Variants in SEMA3A observed in about 807,000 individuals in gnomAD.
The protein encoded by SEMA3A is semaphorin 3A.
SEMA3A carries 29 observed loss-of-function variants against 97.9 expected under a neutral mutation model. The ratio of observed to expected loss-of-function variants is 0.30; its 90% CI spans 0.22 to 0.40. The LOEUF (loss-of-function observed/expected upper bound fraction) is 0.40, where lower values mean the gene tolerates loss of function less well. SEMA3A is among the 10% of genes least tolerant of loss of function. SEMA3A has a pLI of 1.00. For missense variants in SEMA3A, 763 were observed against 951.3 expected, an observed-to-expected ratio of 0.80 and a Z score of 2.60; for synonymous variants, 321 against 323.7, an observed-to-expected ratio of 0.99 and a Z score of 0.09.
At chr7:84,430,994 T>A (rs1010132096) in intron 1 of SEMA3A, among the ~76,000 whole-genome samples, 2 of 151,954 alleles carry the variant, frequency 1.3e-5, no homozygotes, top group Admixed American at 1.3e-4. Flanking sequence ...CACTCAGATA[T>A]AATAGAAGCT....
At chr7:84,291,647 T>G (rs2115786690) in intron 3 of SEMA3A, among the ~76,000 whole-genome samples, 1 of 152,208 alleles carries the variant, frequency 6.6e-6, no homozygotes, top group South Asian at 2.1e-4. Context: ...CCCATAAAAT[T>G]TTTAAAATAA....
intron 1 of SEMA3A, among the ~76,000 whole-genome samples, chr7:84,161,987 A>G (rs1016160327): frequency 6.6e-6 from 1 of 151,950 alleles, no homozygotes; most frequent in Non-Finnish European, 1.5e-5. Flanking sequence ...TCCTGACCCT[A>G]ATTCCCAATC....
intron 1 of SEMA3A, among the ~76,000 whole-genome samples, chr7:84,403,158 G>T (rs1803955508): frequency 1.3e-5 from 2 of 152,092 alleles, no homozygotes; most frequent in African/African-American, 4.8e-5. Flanking sequence ...CAAAGAAAGG[G>T]GTGACAGATG....
At chr7:83,977,001 T>C in intron 15 of SEMA3A, 131 bp downstream of exon 15, 1 of 450,152 alleles carries the variant, frequency 2.2e-6, no homozygotes, top group Non-Finnish European at 3.9e-6. Flanking sequence ...TTCTGTAAGA[T>C]TTTACTTCTC....
intron 1 of SEMA3A, among the ~76,000 whole-genome samples, chr7:84,419,340 T>C (rs1471166030): frequency 6.6e-6 from 1 of 152,068 alleles, no homozygotes; most frequent in South Asian, 2.1e-4. Context: ...AAGCACAATG[T>C]AGTATATCTT....
chr7:84,128,362 T>C (rs1174693061), intron 3 of SEMA3A, among the ~76,000 whole-genome samples: 1 of 152,044 alleles, frequency 6.6e-6, no homozygotes, highest in East Asian at 1.9e-4. Flanking sequence ...AAAAGATACG[T>C]AATTTAATTA....
chr7:84,179,614 C>G (rs1346910141), intron 1 of SEMA3A, among the ~76,000 whole-genome samples: 3 of 152,052 alleles, frequency 2.0e-5, no homozygotes, highest in African/African-American at 7.2e-5. Flanking sequence ...TGTATTTTCT[C>G]CAGCACTATG....
At chr7:84,393,056 G>T (rs188212174) in intron 1 of SEMA3A, among the ~76,000 whole-genome samples, 34 of 152,012 alleles carry the variant, frequency 2.2e-4, no homozygotes, top group African/African-American at 7.5e-4. Flanking sequence ...GGATATAATC[G>T]CATTTGTCTA....
At chr7:84,078,363 T>C (rs1794026532) in intron 4 of SEMA3A, among the ~76,000 whole-genome samples, 1 of 152,102 alleles carries the variant, frequency 6.6e-6, no homozygotes, top group Non-Finnish European at 1.5e-5. Flanking sequence ...CTCCCTATTA[T>C]TTTGCATTTT....
intron 1 of SEMA3A, among the ~76,000 whole-genome samples, chr7:84,168,566 A>G (rs1434015539): frequency 6.6e-6 from 1 of 151,954 alleles, no homozygotes; most frequent in Non-Finnish European, 1.5e-5. Context: ...AACTTCTACA[A>G]ATATAACTGG....
chr7:83,991,185 G>A (rs1789909893), intron 12 of SEMA3A, among the ~76,000 whole-genome samples: 1 of 151,568 alleles, frequency 6.6e-6, no homozygotes, highest in African/African-American at 2.4e-5. Flanking sequence ...CTGAGACTTT[G>A]CTGAAGTTGC....
At chr7:84,243,937 A>T (rs183932238) in intron 3 of SEMA3A, among the ~76,000 whole-genome samples, 2 of 152,204 alleles carry the variant, frequency 1.3e-5, no homozygotes, top group Admixed American at 6.5e-5. Flanking sequence ...CCTGAGTTCT[A>T]ATTTGTTTAC....
At chr7:84,309,415 A>G (rs1370262809) in intron 2 of SEMA3A, among the ~76,000 whole-genome samples, 1 of 152,168 alleles carries the variant, frequency 6.6e-6, no homozygotes, top group African/African-American at 2.4e-5. Flanking sequence ...TGATGAGGCT[A>G]TGAAGGTCAG....
intron 4 of SEMA3A, among the ~76,000 whole-genome samples, chr7:84,068,610 A>G (rs1191356968): frequency 6.6e-6 from 1 of 152,062 alleles, no homozygotes; most frequent in African/African-American, 2.4e-5. Flanking sequence ...ATTGTTATGA[A>G]TATTATATTT....
chr7:84,169,402 GTAGA>G (rs951491842), intron 1 of SEMA3A, among the ~76,000 whole-genome samples: 1 of 150,616 alleles, frequency 6.6e-6, no homozygotes, highest in Non-Finnish European at 1.5e-5. Flanking sequence ...TTTGAATAGT[GTAGA>G]TAATCATTTA....
intron 1 of SEMA3A, among the ~76,000 whole-genome samples, chr7:84,464,396 T>A (rs547715006): frequency 2.4e-4 from 36 of 152,284 alleles, no homozygotes; most frequent in Admixed American, 1.1e-3. Context: ...AGCTGAGCTC[T>A]GAAGAATGAA....
At chr7:84,150,866 G>T (rs1796633128) in intron 1 of SEMA3A, among the ~76,000 whole-genome samples, 1 of 151,552 alleles carries the variant, frequency 6.6e-6, no homozygotes, top group Admixed American at 6.6e-5. Context: ...GAGAGCAGTG[G>T]TTCTCCCAGC....
intron 3 of SEMA3A, among the ~76,000 whole-genome samples, chr7:84,257,364 T>C (rs1367594748): frequency 1.3e-5 from 2 of 152,130 alleles, no homozygotes; most frequent in African/African-American, 4.8e-5. Context: ...TTTACCATGC[T>C]ACCTGTTTTA....
intron 3 of SEMA3A, among the ~76,000 whole-genome samples, chr7:84,229,740 A>C (rs1228193768): frequency 1.3e-5 from 2 of 151,908 alleles, no homozygotes; most frequent in Non-Finnish European, 1.5e-5. Context: ...AGTTATATTA[A>C]TCCCTTTCTC....
Sources: gnomAD v4.1 joint callset for allele counts (sites outside exome capture counted in the v4.1 genomes callset) on GRCh38, gnomAD v4.1.1 for gene constraint, MANE v1.5 for transcripts, NCBI Gene and HGNC (gene_info 2026-07-23, HGNC 2026-07-21) for gene names.